The following PCDH15 variants were observed in gnomAD, a reference collection of about 807,000 sequenced individuals.
PCDH15 encodes protocadherin related 15.
PCDH15 carries 129 observed loss-of-function variants against 178.5 expected under a neutral mutation model. The observed-to-expected ratio is 0.72, with a 90% confidence interval of 0.63 to 0.84. The LOEUF (loss-of-function observed/expected upper bound fraction) is 0.84, where lower values mean the gene tolerates loss of function less well. Ranked by LOEUF, PCDH15 falls within the 40% of genes least tolerant of loss-of-function variation. The probability of loss-of-function intolerance (pLI) is 0.00; values close to 1 mark genes in which losing one functional copy is unlikely to be tolerated. For missense variants in PCDH15, 2,230 were observed against 2,099.9 expected, an observed-to-expected ratio of 1.06 and a Z score of -1.21; for synonymous variants, 800 against 732.0, an observed-to-expected ratio of 1.09 and a Z score of -1.50.
rs186057492 is a variant in PCDH15 at position 54,707,485 on chromosome 10, T to A, written c.-28-43195A>T. 1.3e-3 allele frequency among the ~76,000 whole-genome samples: 203 copies of A among 152,244 alleles called. 1 individual carries two copies. The highest frequency in any genetic ancestry group is 4.8e-3 in the African/African-American group (198 of 41,564). On this transcript the variant is annotated intron_variant, in intron 1 of 37. Coordinates refer to ENST00000644397, the MANE Select transcript of PCDH15 (RefSeq NM_001384140.1). ...GCCATTTGCAACAGCTACCAAGACT[T>A]TATTCTCAGAAGTTACAAAAATAAC...
At chr10:55,514,290 T>C (rs1332920447) in intron 2 of PCDH15, among the ~76,000 whole-genome samples, 1 of 152,138 alleles carries the variant, frequency 6.6e-6, no homozygotes, top group Non-Finnish European at 1.5e-5. Flanking sequence ...CAAAAAGTTT[T>C]TGTTAAGTGG....
At chr10:53,985,683 CA>C (rs2091047923) in intron 21 of PCDH15, among the ~76,000 whole-genome samples, 1 of 152,062 alleles carries the variant, frequency 6.6e-6, no homozygotes, top group Non-Finnish European at 1.5e-5. Flanking sequence ...GGTCATGTTT[CA>C]GAGGCATAGC....
At chr10:54,406,927 A>G (rs970196856) in intron 3 of PCDH15, among the ~76,000 whole-genome samples, 9 of 152,156 alleles carry the variant, frequency 5.9e-5, no homozygotes, top group African/African-American at 2.2e-4. Context: ...TTATTCTTCA[A>G]AAGATACCTC....
intron 1 of PCDH15, among the ~76,000 whole-genome samples, chr10:55,235,196 AC>A (rs1173749079): frequency 6.6e-6 from 1 of 152,120 alleles, no homozygotes; most frequent in Non-Finnish European, 1.5e-5. Context: ...ACAATTTTAT[AC>A]ATGGGTAAGT....
At position 54,826,567 on chromosome 10, in the gene PCDH15, A is replaced by G. The variant is rs572712661; in HGVS notation, c.-29+70883T>C. ...TGTGTATATGTATATATATGTATGTAATATGAGGGAAAAGGAGTTGGAAAA... is the reference window on the plus strand; with the variant it reads ...TGTGTATATGTATATATATGTATGTGATATGAGGGAAAAGGAGTTGGAAAA... On this transcript the variant is annotated intron_variant, in intron 3 of 5. Coordinates refer to the PCDH15 transcript ENST00000458638. Among the ~76,000 whole-genome samples, 9 of 152,008 alleles carry G rather than the reference A, an allele frequency of 5.9e-5. No homozygotes were observed. The East Asian group carries it at 1.4e-3, about 23-fold the overall frequency.
intron 8 of PCDH15, among the ~76,000 whole-genome samples, chr10:54,275,140 GAAACA>G (rs1436236488): frequency 6.6e-6 from 1 of 151,828 alleles, no homozygotes; most frequent in African/African-American, 2.4e-5. Flanking sequence ...AAGCTTGGTG[GAAACA>G]AAACAAACAA....
chr10:54,925,422 T>C (rs1837592798), intron 2 of PCDH15, among the ~76,000 whole-genome samples: 1 of 58,062 alleles, frequency 1.7e-5, no homozygotes, highest in South Asian at 3.2e-4. Context: ...CCTTGGCTAT[T>C]CAGGCGTTTT....
At chr10:54,044,257 A>T (rs2093612453) in intron 18 of PCDH15, among the ~76,000 whole-genome samples, 1 of 152,114 alleles carries the variant, frequency 6.6e-6, no homozygotes, top group South Asian at 2.1e-4. Context: ...AGGTTGTGAA[A>T]AACAGTGGCC....
At chr10:55,256,299 G>A (rs189803910) in intron 1 of PCDH15, among the ~76,000 whole-genome samples, 13 of 152,162 alleles carry the variant, frequency 8.5e-5, no homozygotes, top group East Asian at 1.9e-4. Context: ...CAGTGTGAGC[G>A]AGGCAGAAGA....
At chr10:53,885,083 C>CA (rs1265188840) in intron 26 of PCDH15, among the ~76,000 whole-genome samples, 1 of 152,086 alleles carries the variant, frequency 6.6e-6, no homozygotes, top group African/African-American at 2.4e-5. Context: ...AACTTTCTAT[C>CA]AATACATTTA....
chr10:55,329,838 C>T (rs1011124462), intron 2 of PCDH15, among the ~76,000 whole-genome samples: 1 of 151,594 alleles, frequency 6.6e-6, no homozygotes, highest in African/African-American at 2.4e-5. Flanking sequence ...ATATTTTTTT[C>T]CATACAAAGG....
intron 2 of PCDH15, among the ~76,000 whole-genome samples, chr10:55,607,030 T>G (rs1240303073): frequency 1.3e-5 from 2 of 151,674 alleles, no homozygotes; most frequent in African/African-American, 4.8e-5. Flanking sequence ...GAATCTACAA[T>G]GAACTCAAAC....
intron 2 of PCDH15, among the ~76,000 whole-genome samples, chr10:55,052,454 C>A (rs1001362786): frequency 2.8e-5 from 4 of 140,634 alleles, no homozygotes; most frequent in Admixed American, 7.9e-5. Flanking sequence ...AATCCCAGCA[C>A]TTTGGGAGGC....
At chr10:53,820,789 A>C (rs1004361133) in intron 32 of PCDH15, among the ~76,000 whole-genome samples, 1 of 152,036 alleles carries the variant, frequency 6.6e-6, no homozygotes, top group African/African-American at 2.4e-5. Context: ...GAATTTAACA[A>C]TTGGAGCGCT....
At chr10:54,551,768 C>A (rs985804840) in intron 2 of PCDH15, among the ~76,000 whole-genome samples, 2 of 151,836 alleles carry the variant, frequency 1.3e-5, no homozygotes, top group Admixed American at 6.6e-5. Context: ...ACAATTTTTT[C>A]ATTTACAGCT....
intron 29 of PCDH15, 129 bp from the exon 30 acceptor site, chr10:53,831,662 GAAT>G (rs2077024460): frequency 6.0e-6 from 4 of 671,504 alleles, no homozygotes; most frequent in South Asian, 1.9e-5. Flanking sequence ...GAAGTCTCAT[GAAT>G]AATAAGAAAA....
intron 28 of PCDH15, among the ~76,000 whole-genome samples, chr10:53,855,920 A>ATATATGTGTGTGTG (rs1201156130): frequency 7.1e-6 from 1 of 140,376 alleles, no homozygotes; most frequent in East Asian, 3.2e-4. Flanking sequence ...ATATATATAT[A>ATATATGTGTGTGTG]TGTATGTGTG....
chr10:54,177,634 T>C (rs1317586923), intron 13 of PCDH15, among the ~76,000 whole-genome samples: 1 of 152,054 alleles, frequency 6.6e-6, no homozygotes, highest in East Asian at 1.9e-4. Context: ...TACAAATACA[T>C]TCTAAAATAG....
chr10:54,443,671 T>C (rs2075975696), intron 3 of PCDH15, among the ~76,000 whole-genome samples: 2 of 151,754 alleles, frequency 1.3e-5, no homozygotes, highest in African/African-American at 4.8e-5. Flanking sequence ...GCTTCTAATA[T>C]TTGTATCAAA....
Sources: gnomAD v4.1 joint callset for allele counts (sites outside exome capture counted in the v4.1 genomes callset) on GRCh38, gnomAD v4.1.1 for gene constraint, MANE v1.5 for transcripts, NCBI Gene and HGNC (gene_info 2026-07-23, HGNC 2026-07-21) for gene names.